BMP2: variants seen among roughly 807,000 people sequenced by gnomAD.
BMP2 encodes bone morphogenetic protein 2, also known as bone morphogenetic protein 2A.
BMP2 carries 2 observed loss-of-function variants against 28.8 expected under a neutral mutation model. That is an observed-to-expected ratio of 0.07 (90% CI 0.03 to 0.22). The LOEUF (loss-of-function observed/expected upper bound fraction) is 0.22, where lower values mean the gene tolerates loss of function less well. Ranked by LOEUF, BMP2 falls within the 10% of genes least tolerant of loss-of-function variation. The probability of loss-of-function intolerance (pLI) is 1.00; values close to 1 mark genes in which losing one functional copy is unlikely to be tolerated. For synonymous variants in BMP2, 218 were observed against 204.3 expected, an observed-to-expected ratio of 1.07 and a Z score of -0.57; for missense variants, 437 against 517.7, an observed-to-expected ratio of 0.84 and a Z score of 1.51.
In BMP2 at chr20:6,777,741, A is replaced by G. The variant is rs189016026; in HGVS notation, c.347-504A>G. On this transcript the variant is annotated intron_variant, in intron 2 of 2. Transcript: ENST00000378827. ...TTAATTAGGAAGCTGAAATCTGTAT[A>G]TCGAGATTTGTAAATCATCTAAATT... is the stretch of plus-strand genomic sequence containing the variant. Among the ~76,000 whole-genome samples the G allele has an allele frequency of 2.3e-3, 352 of 152,352 alleles. 1 individual carries two copies. The highest frequency in any genetic ancestry group is 4.4e-3 in the Non-Finnish European group (302 of 68,028).
chr20:6,767,952 G>T lies in BMP2; in HGVS notation c.-931G>T. On this transcript the variant is annotated 5_prime_UTR_variant, in exon 1 of 3. Coordinates refer to ENST00000378827, the MANE Select transcript of BMP2 (RefSeq NM_001200.4). ...GCGCCACAGCGCCGTGGCCTCTGCTGCCCGGGCTGCGCCAGAGCCGCGGAC... is the reference window on the plus strand; with the variant it reads ...GCGCCACAGCGCCGTGGCCTCTGCTTCCCGGGCTGCGCCAGAGCCGCGGAC... 1 of 395,268 alleles carries T rather than the reference G, an allele frequency of 2.5e-6. No homozygotes were observed. The allele number at this position is 395,268 out of a possible 1,614,324, so 24.5% of individuals were successfully genotyped here. A position where few individuals can be genotyped will look rare whatever the true frequency, so the allele number is the denominator to read the frequency against.
At chr20:6,777,807 TA>T (rs1382225022) in intron 2 of BMP2, among the ~76,000 whole-genome samples, 2 of 152,200 alleles carry the variant, frequency 1.3e-5, no homozygotes, top group African/African-American at 2.4e-5. Flanking sequence ...GGATTGGCAT[TA>T]AAGCCTTTTT....
At chr20:6,775,404 G>T (rs1040225518) in intron 2 of BMP2, among the ~76,000 whole-genome samples, 1 of 152,256 alleles carries the variant, frequency 6.6e-6, no homozygotes, top group East Asian at 1.9e-4. Context: ...CTGCAACCAG[G>T]GGTGTTGCAA....
intron 2 of BMP2, among the ~76,000 whole-genome samples, chr20:6,774,564 C>G (rs1986461353): frequency 6.6e-6 from 1 of 152,026 alleles, no homozygotes; most frequent in Non-Finnish European, 1.5e-5. Flanking sequence ...AGACAAGAAA[C>G]CTGAGAAGCG....
rs1986367944 is a variant in BMP2, at chr20:6,770,278, G to A, written c.152G>A (p.Ser51Asn). Reference sequence around the variant, plus strand: ...TCCCAGCCCTCTGACGAGGTCCTGAGCGAGTTCGAGTTGCGGCTGCTCAGC... The same window carrying A: ...TCCCAGCCCTCTGACGAGGTCCTGAACGAGTTCGAGTTGCGGCTGCTCAGC... ...PSSQPSDEVLSEFELRLLSMF... is the reference protein window; with the variant it reads ...PSSQPSDEVLNEFELRLLSMF... The change falls in exon 2 of 3, where the codon AGC becomes AAC. Residue 51 changes from serine (S) to asparagine (N), a missense_variant. By Grantham distance (46) the Ser-to-Asn change is conservative (BLOSUM62 1). Coordinates refer to ENST00000378827, the MANE Select transcript of BMP2 (RefSeq NM_001200.4). 6.2e-7 allele frequency: 1 copy of A among 1,613,414 alleles called. No individual in the cohort carries two copies. Among genetic ancestry groups the A allele is most frequent in the Non-Finnish European group, 8.5e-7 (1 of 1,179,848 alleles).
In BMP2 at chr20:6,770,227, C is replaced by A; in HGVS notation, c.101C>A (p.Ala34Glu). ...LVPELGRRKF[A>E]AASSGRPSSQ... ...CCGGAGCTGGGCCGCAGGAAGTTCG[C>A]GGCGGCGTCGTCGGGCCGCCCCTCA... Residue 34 changes from alanine to glutamate, a missense_variant, in exon 2 of 3, where the codon GCG (alanine) becomes GAG (glutamate). Around this residue, in one of 2 missense-constraint regions of BMP2, gnomAD observed 363 missense variants for 392.8 expected, o/e 0.92. Coordinates refer to ENST00000378827, the MANE Select transcript of BMP2 (RefSeq NM_001200.4). 1 of 1,600,726 alleles carries A rather than the reference C, an allele frequency of 6.2e-7. No homozygotes were observed. The highest frequency in any genetic ancestry group is 1.1e-5 in the South Asian group (1 of 89,292).
chr20:6,779,111 A>AATATATATATAT lies in BMP2; in HGVS notation c.*31_*42dup, dbSNP rs71646302. ...CTAGTACAGCAAAATTAAATACATA[A>AATATATATATAT]ATATATATATATATATATATTTTAG... On this transcript the variant is annotated 3_prime_UTR_variant, in exon 3 of 3. Transcript: ENST00000378827. 1.1e-6 allele frequency: 1 copy of AATATATATATAT among 889,938 alleles called. No individual in the cohort carries two copies. The highest frequency in any genetic ancestry group is 1.5e-6 in the Non-Finnish European group (1 of 681,004). 55.1% of individuals were successfully genotyped at this position (889,938 alleles called of 1,614,324 possible).
At position 6,770,428 on chromosome 20, in the gene BMP2, G is replaced by A. The variant is rs780452000; in HGVS notation, c.302G>A (p.Arg101Lys). ...GSPAPDHRLE[R>K]AASRANTVRS... ...CCCGCCCCAGACCACCGGTTGGAGA[G>A]GGCAGCCAGCCGAGCCAACACTGTG... Residue 101 changes from arginine (R) to lysine (K), a missense_variant, in exon 2 of 3, where the codon AGG (arginine) becomes AAG (lysine). This residue lies in a region of BMP2 where 363 missense variants were observed against 392.8 expected (regional missense o/e 0.92). Coordinates refer to ENST00000378827, the MANE Select transcript of BMP2 (RefSeq NM_001200.4). 15 of 1,610,138 alleles carry A rather than the reference G, an allele frequency of 9.3e-6. No individual in the cohort carries two copies. The East Asian group carries it at 2.5e-4, about 26-fold the overall frequency.
At chr20:6,769,309 C>G (rs1445502186) in intron 1 of BMP2, among the ~76,000 whole-genome samples, 2 of 152,156 alleles carry the variant, frequency 1.3e-5, no homozygotes, top group Admixed American at 1.3e-4. Context: ...TTTCTTTGCT[C>G]AGAGCCGTGT....
At chr20:6,772,668 T>C (rs1258880824) in intron 2 of BMP2, among the ~76,000 whole-genome samples, 4 of 152,222 alleles carry the variant, frequency 2.6e-5, no homozygotes, top group African/African-American at 9.7e-5. Flanking sequence ...AATTACCTGT[T>C]GGGTTTTCTT....
rs1568549956 is a variant in BMP2 at position 6,779,025 on chromosome 20, A to G, written c.1127A>G (p.Glu376Gly). ...LSAISMLYLD[E>G]NEKVVLKNYQ... Reference sequence around the variant, plus strand: ...GCTATCTCGATGCTGTACCTTGACGAGAATGAAAAGGTTGTATTAAAGAAC... The same window carrying G: ...GCTATCTCGATGCTGTACCTTGACGGGAATGAAAAGGTTGTATTAAAGAAC... The change falls in exon 3 of 3, where the codon GAG (glutamate) becomes GGG (glycine). Residue 376 changes from glutamate to glycine, a missense_variant. Around this residue, in one of 2 missense-constraint regions of BMP2, gnomAD observed 74 missense variants for 124.9 expected, o/e 0.59. Coordinates refer to ENST00000378827, the MANE Select transcript of BMP2 (RefSeq NM_001200.4). The G allele has an allele frequency of 7.4e-6, 12 of 1,613,702 alleles. No individual in the cohort carries two copies. Among genetic ancestry groups the G allele is most frequent in the Non-Finnish European group, 1.0e-5 (12 of 1,179,924 alleles).
intron 1 of BMP2, among the ~76,000 whole-genome samples, chr20:6,769,758 G>T (rs1250932088): frequency 6.6e-6 from 1 of 151,992 alleles, no homozygotes; most frequent in African/African-American, 2.4e-5. Flanking sequence ...GGGGACGCAG[G>T]GTGTCAGATC....
rs1312646092 is a variant in BMP2 at position 6,778,632 on chromosome 20, G to A, written c.734G>A (p.Arg245Lys). The A allele has an allele frequency of 1.9e-6, 3 of 1,614,000 alleles. No homozygotes were observed. The highest frequency in any genetic ancestry group is 1.7e-5 in the Admixed American group (1 of 60,000). Residue 245 changes from arginine (R) to lysine (K), a missense_variant, in exon 3 of 3, where the codon AGG becomes AAG. By Grantham distance (26) the Arg-to-Lys change is conservative. Transcript: ENST00000378827. This position sits in a 1 kb window ranked among gnomAD's most constrained non-coding sequence, Gnocchi z 5.0. ...CAAGGTGTCTCCAAGAGACATGTTA[G>A]GATAAGCAGGTCTTTGCACCAAGAT... ...EKQGVSKRHV[R>K]ISRSLHQDEH...
chr20:6,776,801 G>A (rs973788458), intron 2 of BMP2, among the ~76,000 whole-genome samples: 5 of 152,190 alleles, frequency 3.3e-5, no homozygotes, highest in Admixed American at 6.5e-5. Flanking sequence ...AGGCTTACAC[G>A]GGTAGATCCT....
chr20:6,774,697 C>G (rs1321150320), intron 2 of BMP2, among the ~76,000 whole-genome samples: 1 of 152,142 alleles, frequency 6.6e-6, no homozygotes, highest in African/African-American at 2.4e-5. Flanking sequence ...TAGTTTTTCT[C>G]TAATTGGTTT....
At chr20:6,776,440 G>T (rs1600172427) in intron 2 of BMP2, among the ~76,000 whole-genome samples, 1 of 152,100 alleles carries the variant, frequency 6.6e-6, no homozygotes, top group South Asian at 2.1e-4. Context: ...ACCACTAATG[G>T]TTCTTCTACT....
chr20:6,769,857 G>C (rs150719991), intron 1 of BMP2, among the ~76,000 whole-genome samples: 8 of 152,226 alleles, frequency 5.3e-5, no homozygotes, highest in African/African-American at 1.9e-4. Flanking sequence ...GGTTTGGTTG[G>C]GGGGGAGGGC....
At position 6,774,503 on chromosome 20, in the gene BMP2, G is replaced by A. The variant is rs552423710; in HGVS notation, c.347-3742G>A. ...ATTGTGCCACTGCACTCCAGCCTGG[G>A]CAACAGAGTGAGACCCTGTGTCACA... On this transcript the variant is annotated intron_variant, in intron 2 of 2. Coordinates refer to ENST00000378827, the MANE Select transcript of BMP2 (RefSeq NM_001200.4). Among the ~76,000 whole-genome samples the A allele has an allele frequency of 9.2e-5, 14 of 152,246 alleles. No homozygotes were observed. In the South Asian group the frequency reaches 2.1e-3, roughly 23 times the overall value.
Position 6,768,359 on chromosome 20 carries a change from G to C in BMP2, c.-524G>C, listed in dbSNP as rs937454625. On this transcript the variant is annotated 5_prime_UTR_variant, in exon 1 of 3. Transcript: ENST00000378827. Reference sequence around the variant, plus strand: ...CGGCGTCGCCCAGGATGGCTGCCCCGAGCCATGGGCCGCGGCGGAGCTAGC... The same window carrying C: ...CGGCGTCGCCCAGGATGGCTGCCCCCAGCCATGGGCCGCGGCGGAGCTAGC... 2.5e-6 allele frequency: 1 copy of C among 396,976 alleles called. No homozygotes were observed. Among genetic ancestry groups the C allele is most frequent in the Non-Finnish European group, 4.4e-6 (1 of 225,198 alleles). 24.6% of individuals were successfully genotyped at this position (396,976 alleles called of 1,614,324 possible). A position where few individuals can be genotyped will look rare whatever the true frequency, so the allele number is the denominator to read the frequency against.
Sources: gnomAD v4.1 joint callset for allele counts (sites outside exome capture counted in the v4.1 genomes callset) on GRCh38, gnomAD v4.1.1 for gene constraint, gnomAD v4.1.1 regional missense constraint, Gnocchi (gnomAD v3.1) non-coding constraint, MANE v1.5 for transcripts, NCBI Gene and HGNC (gene_info 2026-07-23, HGNC 2026-07-21) for gene names.